The following PAN3 variants were observed in gnomAD, a reference collection of about 807,000 sequenced individuals.
The protein encoded by PAN3 is PAN2-PAN3 deadenylation complex subunit PAN3.
PAN3 carries 19 observed loss-of-function variants against 96.2 expected under a neutral mutation model. The observed-to-expected ratio is 0.20, with a 90% CI of 0.14 to 0.29. The LOEUF (loss-of-function observed/expected upper bound fraction) is 0.29. Ranked by LOEUF, PAN3 falls within the 10% of genes least tolerant of loss-of-function variation. PAN3 has a pLI of 1.00. For missense variants in PAN3, 882 were observed against 1,108.1 expected, an observed-to-expected ratio of 0.80 and a Z score of 2.90; for synonymous variants, 433 against 406.6, an observed-to-expected ratio of 1.06 and a Z score of -0.78.
At chr13:28,253,855 A>G (rs542015864) in intron 6 of PAN3, among the ~76,000 whole-genome samples, 28 of 152,200 alleles carry the variant, frequency 1.8e-4, no homozygotes, top group African/African-American at 5.3e-4. Flanking sequence ...TTTATATTAA[A>G]ATAACCTCAC....
At chr13:28,150,729 C>A (rs1364208434) in intron 1 of PAN3, among the ~76,000 whole-genome samples, 1 of 151,456 alleles carries the variant, frequency 6.6e-6, no homozygotes, top group Non-Finnish European at 1.5e-5. Context: ...GTAATTTGGG[C>A]TAATAATAAA....
chr13:28,200,470 GT>G (rs1878562609), intron 5 of PAN3, among the ~76,000 whole-genome samples: 1 of 152,166 alleles, frequency 6.6e-6, no homozygotes, highest in South Asian at 2.1e-4. Context: ...CTTGGTCCAA[GT>G]TTCCGAGCTC....
At chr13:28,197,515 A>AT (rs1265469347) in intron 5 of PAN3, among the ~76,000 whole-genome samples, 169 bp downstream of exon 5, 2 of 151,504 alleles carry the variant, frequency 1.3e-5, no homozygotes, top group East Asian at 1.9e-4. Flanking sequence ...CAACTAAATG[A>AT]TTTTTTCTTG....
chr13:28,188,303 T>A (rs1316876823), intron 4 of PAN3, among the ~76,000 whole-genome samples: 1 of 152,186 alleles, frequency 6.6e-6, no homozygotes, highest in Non-Finnish European at 1.5e-5. Flanking sequence ...GTTCATTAAA[T>A]ATCCTGATAC....
At chr13:28,292,163 G>A (rs1325002647) in intron 18 of PAN3, among the ~76,000 whole-genome samples, 2 of 152,084 alleles carry the variant, frequency 1.3e-5, no homozygotes, top group Non-Finnish European at 2.9e-5. Flanking sequence ...ACAAACAAAC[G>A]TTAAGCGTGA....
At chr13:28,184,538 AT>A (rs992715178) in intron 4 of PAN3, among the ~76,000 whole-genome samples, 1 of 152,066 alleles carries the variant, frequency 6.6e-6, no homozygotes, top group Non-Finnish European at 1.5e-5. Flanking sequence ...CACTTAAGTG[AT>A]TTTTTTCAAT....
At chr13:28,204,174 A>G (rs1318550882) in intron 5 of PAN3, among the ~76,000 whole-genome samples, 11 of 152,168 alleles carry the variant, frequency 7.2e-5, no homozygotes, top group Admixed American at 7.2e-4. Flanking sequence ...TGAATGGAAG[A>G]TCACCTGAGA....
chr13:28,224,380 G>C lies in PAN3; in HGVS notation c.1000+4002G>C, dbSNP rs1286878. Reference sequence around the variant, plus strand: ...GCACACATTTCTGCATGGTGTTCTTGTGTATCATTTGGTGGTTTAGTGCAC... The same window carrying C: ...GCACACATTTCTGCATGGTGTTCTTCTGTATCATTTGGTGGTTTAGTGCAC... On this transcript the variant is annotated intron_variant, in intron 6 of 18. Transcript: ENST00000380958. Among the ~76,000 whole-genome samples the C allele has an allele frequency of 2.4e-3, 362 of 152,298 alleles. 1 individual carries two copies. The highest frequency in any genetic ancestry group is 8.3e-3 in the African/African-American group (346 of 41,564).
chr13:28,248,948 A>T (rs1025466065), intron 6 of PAN3, among the ~76,000 whole-genome samples: 3 of 152,182 alleles, frequency 2.0e-5, no homozygotes, highest in Non-Finnish European at 4.4e-5. Flanking sequence ...ATTTTTTTCA[A>T]CATCTGTTGA....
chr13:28,239,209 A>G (rs1299389059), intron 6 of PAN3, among the ~76,000 whole-genome samples: 5 of 133,514 alleles, frequency 3.7e-5, no homozygotes, highest in African/African-American at 1.4e-4. Flanking sequence ...ACGCACACAC[A>G]CACACACACA....
intron 5 of PAN3, among the ~76,000 whole-genome samples, chr13:28,212,239 C>T (rs1880137025): frequency 1.3e-5 from 2 of 152,170 alleles, no homozygotes; most frequent in African/African-American, 4.8e-5. Flanking sequence ...CCAAGTAAGG[C>T]TAATTGGAAG....
chr13:28,171,954 C>T (rs531357365), intron 1 of PAN3, among the ~76,000 whole-genome samples: 9 of 151,998 alleles, frequency 5.9e-5, no homozygotes, highest in Non-Finnish European at 1.0e-4. Flanking sequence ...CTGGAAATTC[C>T]GAGGGATTTA....
intron 5 of PAN3, among the ~76,000 whole-genome samples, chr13:28,216,818 T>TA (rs34397568): frequency 0.29 from 43,066 of 147,584 alleles, 8,653 homozygotes; most frequent in African/African-American, 0.58. Context: ...TCCATCTAAT[T>TA]AAAAAAAAAA....
At chr13:28,154,272 C>T (rs866551165) in intron 1 of PAN3, among the ~76,000 whole-genome samples, 48 of 152,164 alleles carry the variant, frequency 3.2e-4, no homozygotes, top group African/African-American at 1.1e-3. Context: ...ATATCATAAA[C>T]ATGTTCAGGT....
chr13:28,261,501 T>A (rs762327345), intron 9 of PAN3, 43 bp downstream of exon 9: 11 of 1,544,496 alleles, frequency 7.1e-6, no homozygotes, highest in African/African-American at 2.7e-5. Context: ...AAGGCTGTTA[T>A]AATTCTTACG....
At chr13:28,239,800 C>T (rs1201108968) in intron 6 of PAN3, 10 of 570,136 alleles carry the variant, frequency 1.8e-5, no homozygotes, top group Middle Eastern at 3.1e-4. Context: ...GGAATCAGTT[C>T]TGGCAATTAA....
At chr13:28,231,865 G>C (rs556257175) in intron 6 of PAN3, among the ~76,000 whole-genome samples, 63 of 152,132 alleles carry the variant, frequency 4.1e-4, no homozygotes, top group Admixed American at 1.3e-3. Flanking sequence ...TCACACAATT[G>C]ATCTCCAGCC....
chr13:28,255,649 CAGAGTATGCCTGTTT>C (rs1463360462), intron 6 of PAN3, among the ~76,000 whole-genome samples: 1 of 152,014 alleles, frequency 6.6e-6, no homozygotes, highest in Non-Finnish European at 1.5e-5. Flanking sequence ...TAGAAATTTT[CAGAGTATGCCTGTTT>C]AGAGTTAATG....
chr13:28,183,421 T>A (rs1876056365), intron 4 of PAN3, among the ~76,000 whole-genome samples: 1 of 152,174 alleles, frequency 6.6e-6, no homozygotes, highest in South Asian at 2.1e-4. Flanking sequence ...TGCTCTGAAA[T>A]CACTAAACAT....
Sources: allele counts gnomAD v4.1 joint callset (sites outside exome capture counted in the v4.1 genomes callset), GRCh38; gene constraint gnomAD v4.1.1; transcripts MANE v1.5; gene names NCBI Gene and HGNC (gene_info 2026-07-23, HGNC 2026-07-21).